EFCAB5: variants seen among roughly 807,000 people sequenced by gnomAD.
EFCAB5 encodes EF-hand calcium-binding domain-containing protein 5.
In EFCAB5, 131 loss-of-function variants were observed where a neutral mutation model predicts 167.9. That is an observed-to-expected ratio of 0.78 (90% CI 0.68 to 0.90). The LOEUF (loss-of-function observed/expected upper bound fraction) is 0.90. EFCAB5 is among the 40% of genes least tolerant of loss of function. The probability of loss-of-function intolerance (pLI) is 0.00; values close to 1 mark genes in which losing one functional copy is unlikely to be tolerated. For synonymous variants in EFCAB5, 574 were observed against 602.8 expected (o/e 0.95, Z 0.70); for missense variants, 1,663 against 1,745.2 (o/e 0.95, Z 0.84).
chr17:30,056,782 C>G (rs1437901813), intron 12 of EFCAB5, among the ~76,000 whole-genome samples: 1 of 152,160 alleles, frequency 6.6e-6, no homozygotes, highest in East Asian at 1.9e-4. Context: ...CTCATTTAAG[C>G]CTCAAATAAC....
Position 29,969,278 on chromosome 17 carries a change from C to G in EFCAB5, c.678C>G (p.Ile226Met), listed in dbSNP as rs558389461. ...EYLIRNNPNY[I>M]KDPGMSGYQR... is the part of the protein sequence containing the mutation. ...TAATAAGAAACAATCCTAATTATAT[C>G]AAAGACCCAGGAATGTCTGGTTACC... is the stretch of plus-strand genomic sequence containing the variant. The change falls in exon 4 of 23, where the codon ATC becomes ATG. Residue 226 changes from isoleucine (I) to methionine (M), a missense_variant. By Grantham distance (10) the Ile-to-Met change is conservative. Transcript: ENST00000394835. The G allele has an allele frequency of 6.2e-7, 1 of 1,613,546 alleles. No individual in the cohort carries two copies. Among genetic ancestry groups the G allele is most frequent in the South Asian group, 1.1e-5 (1 of 91,006 alleles).
At chr17:30,033,492 C>G (rs2069536466) in intron 7 of EFCAB5, among the ~76,000 whole-genome samples, 1 of 152,182 alleles carries the variant, frequency 6.6e-6, no homozygotes. Context: ...TAATTCGTTC[C>G]TGACCTATCA....
At chr17:30,102,661 C>A (rs1005140554) in intron 22 of EFCAB5, among the ~76,000 whole-genome samples, 1 of 152,012 alleles carries the variant, frequency 6.6e-6, no homozygotes, top group Non-Finnish European at 1.5e-5. Context: ...CATTCAATTT[C>A]TTTCATATTT....
intron 12 of EFCAB5, 68 bp from the exon 13 acceptor site, chr17:30,057,608 A>T (rs2070307498): frequency 7.7e-7 from 1 of 1,305,016 alleles, no homozygotes; most frequent in Non-Finnish European, 1.1e-6. Context: ...TACAATAGGC[A>T]CTCATTTATT....
At chr17:30,094,550 G>A (rs974623769) in intron 22 of EFCAB5, among the ~76,000 whole-genome samples, 3 of 150,994 alleles carry the variant, frequency 2.0e-5, no homozygotes, top group Non-Finnish European at 4.4e-5. Context: ...GGGTGTGGTG[G>A]TGCACGCCTG....
chr17:29,959,890 G>A (rs1038532793), intron 3 of EFCAB5, among the ~76,000 whole-genome samples: 1 of 152,146 alleles, frequency 6.6e-6, no homozygotes, highest in Non-Finnish European at 1.5e-5. Context: ...GCCCAGTACA[G>A]CACCAAGACT....
chr17:30,087,297 AT>A, intron 19 of EFCAB5, 131 bp downstream of exon 19: 1 of 670,398 alleles, frequency 1.5e-6, no homozygotes, highest in Non-Finnish European at 2.4e-6. Flanking sequence ...ATTTAATTTT[AT>A]TTTATTTTAA....
At chr17:29,936,061 CA>C (rs1321815600) in intron 1 of EFCAB5, among the ~76,000 whole-genome samples, 1 of 152,102 alleles carries the variant, frequency 6.6e-6, no homozygotes, top group African/African-American at 2.4e-5. Flanking sequence ...ACACAGGAAC[CA>C]AAAGGCCACA....
chr17:29,971,527 A>C (rs1483669026), intron 4 of EFCAB5, among the ~76,000 whole-genome samples: 2 of 152,172 alleles, frequency 1.3e-5, no homozygotes, highest in Non-Finnish European at 2.9e-5. Context: ...AAAACATTTT[A>C]TCTCAATGGG....
chr17:30,104,734 T>G (rs1424825596), intron 22 of EFCAB5, among the ~76,000 whole-genome samples: 1 of 152,042 alleles, frequency 6.6e-6, no homozygotes, highest in African/African-American at 2.4e-5. Flanking sequence ...TGGAGGCTCA[T>G]TAGAGGAATC....
Position 30,053,134 on chromosome 17 carries a change from T to C in EFCAB5, c.1301-121T>C, listed in dbSNP as rs149229469. ...CAGCCAAAGATAACTGATATTTATT[T>C]AGAGCAATAGGCCTATATTACAATT... On this transcript the variant is annotated intron_variant, in intron 9 of 22. Coordinates refer to ENST00000394835, the MANE Select transcript of EFCAB5 (RefSeq NM_198529.4). The C allele has an allele frequency of 5.6e-4, 637 of 1,127,588 alleles. 4 individuals carry two copies. The highest frequency in any genetic ancestry group is 5.4e-3 in the Middle Eastern group (18 of 3,322). The allele number at this position is 1,127,588 out of a possible 1,614,324, so 69.8% of individuals were successfully genotyped here.
At chr17:29,947,704 C>T (rs1324238644) in intron 3 of EFCAB5, among the ~76,000 whole-genome samples, 1 of 152,098 alleles carries the variant, frequency 6.6e-6, no homozygotes, top group Non-Finnish European at 1.5e-5. Context: ...TCTACCTGTC[C>T]CCACCTCCTG....
intron 7 of EFCAB5, among the ~76,000 whole-genome samples, chr17:30,017,587 A>G (rs1264115364): frequency 2.0e-5 from 3 of 152,204 alleles, no homozygotes; most frequent in African/African-American, 4.8e-5. Context: ...GAAATTAAAC[A>G]TACCTTCACA....
intron 3 of EFCAB5, among the ~76,000 whole-genome samples, chr17:29,966,841 GT>G (rs145774255): frequency 1.8e-4 from 27 of 148,312 alleles, no homozygotes; most frequent in Admixed American, 4.0e-4. Flanking sequence ...ATTTACTATA[GT>G]TTTTTTTTTC....
chr17:30,009,656 T>C (rs756734241), intron 7 of EFCAB5, among the ~76,000 whole-genome samples: 2 of 152,200 alleles, frequency 1.3e-5, no homozygotes, highest in Non-Finnish European at 2.9e-5. Context: ...ATTTCGGTTG[T>C]TTTCATTTTT....
chr17:30,013,993 G>A (rs1029514564), intron 7 of EFCAB5, among the ~76,000 whole-genome samples: 6 of 152,158 alleles, frequency 3.9e-5, no homozygotes, highest in African/African-American at 1.2e-4. Context: ...AGAGATTCTG[G>A]CATGTTGTGT....
rs773966611 is a variant in EFCAB5 at position 30,092,001 on chromosome 17, T to A, written c.4068T>A (p.Thr1356=). 9.3e-6 allele frequency: 15 copies of A among 1,613,810 alleles called. No homozygotes were observed. Among genetic ancestry groups the A allele is most frequent in the Non-Finnish European group, 1.2e-5 (14 of 1,179,868 alleles). ...EFVSLLLYDH[T]LVTEPNSPQD... ...TGTCACTGTTGCTCTATGACCATAC[T>A]CTTGTAACAGAGCCAAATTCTCCTC... The change falls in exon 21 of 23, where the codon ACT becomes ACA. Residue 1356 remains threonine (T), a synonymous_variant. Coordinates refer to ENST00000394835, the MANE Select transcript of EFCAB5 (RefSeq NM_198529.4).
intron 5 of EFCAB5, among the ~76,000 whole-genome samples, chr17:29,994,840 G>A (rs1343125133): frequency 6.6e-6 from 1 of 152,202 alleles, no homozygotes. Flanking sequence ...TAAGACACTT[G>A]TAAGTGATGA....
At chr17:29,946,663 C>T (rs879520342) in intron 3 of EFCAB5, among the ~76,000 whole-genome samples, 1 of 151,756 alleles carries the variant, frequency 6.6e-6, no homozygotes, top group Non-Finnish European at 1.5e-5. Context: ...TGGTCTCGAT[C>T]TCCTGACCTC....
Sources: allele counts gnomAD v4.1 joint callset (sites outside exome capture counted in the v4.1 genomes callset), GRCh38; gene constraint gnomAD v4.1.1; transcripts MANE v1.5; gene names NCBI Gene and HGNC (gene_info 2026-07-23, HGNC 2026-07-21).